The following PDCL3 variants were observed in gnomAD, a reference collection of about 807,000 sequenced individuals.
PDCL3 encodes phosducin-like protein 3.
In PDCL3, 22 loss-of-function variants were observed where a neutral mutation model predicts 26.5. That is an observed-to-expected ratio of 0.83 (90% CI 0.59 to 1.19). PDCL3 has a LOEUF of 1.19. PDCL3 is among the 50% of genes most tolerant of loss of function. The pLI, the probability that PDCL3 is intolerant of heterozygous loss-of-function variation, is 0.00. For synonymous variants in PDCL3, 81 were observed against 104.9 expected, an observed-to-expected ratio of 0.77 and a Z score of 1.39; for missense variants, 246 against 294.1, an observed-to-expected ratio of 0.84 and a Z score of 1.20.
At position 100,569,699 on chromosome 2, in the gene PDCL3, A is replaced by G. The variant is rs1318041206; in HGVS notation, c.346A>G (p.Ile116Val). 3 of 1,612,818 alleles carry G rather than the reference A, an allele frequency of 1.9e-6. No homozygotes were observed. Among genetic ancestry groups the G allele is most frequent in the Non-Finnish European group, 2.5e-6 (3 of 1,179,616 alleles). Residue 116 changes from isoleucine to valine, a missense_variant, in exon 4 of 6, where the codon ATC becomes GTC. Transcript: ENST00000264254. ...VTKAGEGLWV[I>V]LHLYKQGIPL... is the part of the protein sequence containing the mutation. ...CAAAGCTGGCGAGGGCTTGTGGGTC[A>G]TCTTGCACCTTTACAAACAAGGGTG... is the stretch of plus-strand genomic sequence containing the variant.
intron 5 of PDCL3, 167 bp downstream of exon 5, chr2:100,571,965 G>T: frequency 1.5e-6 from 1 of 656,006 alleles, no homozygotes. Flanking sequence ...GCGTAATCAG[G>T]AACAGTTACA....
intron 3 of PDCL3, 140 bp from the exon 4 acceptor site, chr2:100,569,438 T>C (rs1437055105): frequency 5.0e-6 from 5 of 996,824 alleles, no homozygotes; most frequent in Non-Finnish European, 7.2e-6. Context: ...TAAATAATAT[T>C]GTGAATTTTA....
At chr2:100,572,943 G>A (rs1248115324) in intron 5 of PDCL3, among the ~76,000 whole-genome samples, 1 of 152,002 alleles carries the variant, frequency 6.6e-6, no homozygotes, top group Non-Finnish European at 1.5e-5. Flanking sequence ...GGAGTGCAGT[G>A]GTGCGATCTT....
At chr2:100,564,036 G>A (rs61370232) in intron 1 of PDCL3, among the ~76,000 whole-genome samples, 75,387 of 150,374 alleles carry the variant, frequency 0.5, 20,169 homozygotes, top group East Asian at 0.97. Context: ...GTCAGCCTCC[G>A]GAGTAGCTGG....
rs1433587851 is a variant in PDCL3, at chr2:100,568,940, A to G, written c.143A>G (p.Tyr48Cys). The G allele has an allele frequency of 6.2e-7, 1 of 1,613,484 alleles. No individual in the cohort carries two copies. The highest frequency in any genetic ancestry group is 2.2e-5 in the East Asian group (1 of 44,900). Residue 48 changes from tyrosine (Y) to cysteine (C), a missense_variant, in exon 3 of 6, where the codon TAT becomes TGT. Transcript: ENST00000264254. ...RILQQSVVKT[Y>C]EDMTLEELED... Reference sequence around the variant, plus strand: ...ATGTAACCAAATTCAGTGAAAACATATGAAGATATGACTTTGGAAGAGCTG... The same window carrying G: ...ATGTAACCAAATTCAGTGAAAACATGTGAAGATATGACTTTGGAAGAGCTG...
At chr2:100,564,420 C>T (rs1318429960) in intron 1 of PDCL3, among the ~76,000 whole-genome samples, 1 of 152,172 alleles carries the variant, frequency 6.6e-6, no homozygotes, top group Admixed American at 6.5e-5. Context: ...CCTCAGCCTC[C>T]TGAGTAGCTG....
intron 5 of PDCL3, among the ~76,000 whole-genome samples, chr2:100,575,301 A>C (rs2970998): frequency 6.6e-6 from 1 of 151,914 alleles, no homozygotes; most frequent in South Asian, 2.1e-4. Context: ...ATGCCTGGCT[A>C]ATTTTTTGTA....
In PDCL3 at chr2:100,563,025, G is replaced by C; in HGVS notation, c.-43G>C. On this transcript the variant is annotated 5_prime_UTR_variant, in exon 1 of 6. Transcript: ENST00000264254. ...CACAAAAGAGAGCTGAGGGGCGGGG[G>C]CGCTGCGGCACAGCTGGTTTGAGCA... 1 of 1,586,532 alleles carries C rather than the reference G, an allele frequency of 6.3e-7. No homozygotes were observed. The highest frequency in any genetic ancestry group is 1.2e-5 in the South Asian group (1 of 86,758).
chr2:100,566,578 G>C lies in PDCL3; in HGVS notation c.82G>C (p.Glu28Gln). The change falls in exon 2 of 6, where the codon GAA becomes CAA. Residue 28 changes from glutamate to glutamine, a missense_variant. Glu to Gln is a conservative substitution (Grantham distance 29). Coordinates refer to ENST00000264254, the MANE Select transcript of PDCL3 (RefSeq NM_024065.5). The part of the protein sequence containing the change: ...GILPPKESLK[E>Q]LEEEAEEEQR... ...CTTACCCCCCAAGGAAAGTCTGAAA[G>C]AATTGGAAGAGGAGGCAGAAGAGGA... The C allele has an allele frequency of 1.2e-6, 2 of 1,614,002 alleles. No individual in the cohort carries two copies. Among genetic ancestry groups the C allele is most frequent in the Non-Finnish European group, 1.7e-6 (2 of 1,179,912 alleles).
intron 5 of PDCL3, among the ~76,000 whole-genome samples, chr2:100,573,961 G>A (rs769900380): frequency 3.9e-5 from 6 of 152,068 alleles, no homozygotes; most frequent in African/African-American, 1.2e-4. Flanking sequence ...ACTTATGTAC[G>A]TATGTGTGGA....
At chr2:100,572,969 C>A (rs935717792) in intron 5 of PDCL3, among the ~76,000 whole-genome samples, 1 of 152,028 alleles carries the variant, frequency 6.6e-6, no homozygotes, top group Non-Finnish European at 1.5e-5. Context: ...ACTGGAACCT[C>A]CACCTTCTGG....
chr2:100,565,624 C>A (rs1489215909), intron 1 of PDCL3, among the ~76,000 whole-genome samples: 1 of 152,110 alleles, frequency 6.6e-6, no homozygotes, highest in Non-Finnish European at 1.5e-5. Context: ...TGCTTTCCAC[C>A]CTCAGACGGA....
intron 5 of PDCL3, among the ~76,000 whole-genome samples, chr2:100,575,074 G>T (rs1161425074): frequency 6.6e-6 from 1 of 152,242 alleles, no homozygotes; most frequent in East Asian, 1.9e-4. Flanking sequence ...TCTAGCCTGG[G>T]TGATGGAGTG....
intron 4 of PDCL3, among the ~76,000 whole-genome samples, chr2:100,570,684 G>A (rs1057263047): frequency 1.3e-5 from 2 of 151,822 alleles, no homozygotes; most frequent in Admixed American, 6.6e-5. Flanking sequence ...CACCATCTTG[G>A]CCAGGCTGGT....
chr2:100,568,271 G>C (rs1675097488), intron 2 of PDCL3, among the ~76,000 whole-genome samples: 1 of 133,030 alleles, frequency 7.5e-6, no homozygotes, highest in Admixed American at 7.4e-5. Flanking sequence ...GAGATTAGAT[G>C]CAATCACCGA....
At chr2:100,563,936 G>T (rs1374183825) in intron 1 of PDCL3, among the ~76,000 whole-genome samples, 2 of 145,492 alleles carry the variant, frequency 1.4e-5, no homozygotes, top group Admixed American at 1.4e-4. Context: ...TTTTGAGACC[G>T]GGTCTTGCTC....
At chr2:100,569,965 C>T (rs1486982255) in intron 4 of PDCL3, among the ~76,000 whole-genome samples, 1 of 152,092 alleles carries the variant, frequency 6.6e-6, no homozygotes, top group African/African-American at 2.4e-5. Flanking sequence ...ACAAAATTAG[C>T]TGGGCGTGGT....
chr2:100,576,031 A>G (rs1043548709), intron 5 of PDCL3, among the ~76,000 whole-genome samples: 2 of 152,058 alleles, frequency 1.3e-5, no homozygotes, highest in Non-Finnish European at 2.9e-5. Flanking sequence ...AACAGCTGGG[A>G]TTATAAGCAC....
At chr2:100,575,356 C>T (rs180950689) in intron 5 of PDCL3, among the ~76,000 whole-genome samples, 113 of 152,230 alleles carry the variant, frequency 7.4e-4, no homozygotes, top group East Asian at 1.4e-3. Flanking sequence ...AGGATGGTCT[C>T]GATCTCCAGA....
Sources: allele counts gnomAD v4.1 joint callset (sites outside exome capture counted in the v4.1 genomes callset), GRCh38; gene constraint gnomAD v4.1.1; transcripts MANE v1.5; gene names NCBI Gene and HGNC (gene_info 2026-07-23, HGNC 2026-07-21).